Variants in FIG4 observed in about 807,000 individuals in gnomAD.
FIG4 encodes the protein polyphosphoinositide phosphatase.
In FIG4, 112 loss-of-function variants were observed where a neutral mutation model predicts 118.6. The ratio of observed to expected loss-of-function variants is 0.94; its 90% confidence interval spans 0.81 to 1.11. The LOEUF (loss-of-function observed/expected upper bound fraction) is 1.11. Among genes scored for constraint, FIG4 ranks in the 50% least tolerant of loss-of-function variants. FIG4 has a pLI of 0.00. For synonymous variants in FIG4, 369 were observed against 381.2 expected (o/e 0.97, Z 0.37); for missense variants, 969 against 1,111.7 (o/e 0.87, Z 1.83).
chr6:109,745,835 T>A (rs1776478544), intron 10 of FIG4, among the ~76,000 whole-genome samples: 1 of 152,152 alleles, frequency 6.6e-6, no homozygotes, highest in Non-Finnish European at 1.5e-5. Flanking sequence ...AAGGAAGTAA[T>A]TTATAGATTC....
chr6:109,715,863 G>C (rs1203885620), intron 2 of FIG4, among the ~76,000 whole-genome samples: 2 of 152,240 alleles, frequency 1.3e-5, no homozygotes, highest in South Asian at 2.1e-4. Context: ...CAAATATGTA[G>C]TAACTACAGT....
At chr6:109,777,141 A>T in intron 16 of FIG4, 81 bp downstream of exon 16, 1 of 1,261,832 alleles carries the variant, frequency 7.9e-7, no homozygotes, top group Non-Finnish European at 1.1e-6. Flanking sequence ...TTGAGAAATC[A>T]TAGGCTAAAA....
chr6:109,738,592 A>T lies in FIG4; in HGVS notation c.775+139A>T, dbSNP rs967612942. 7.4e-5 allele frequency: 57 copies of T among 767,416 alleles called. No homozygotes were observed. In the Admixed American group the frequency reaches 1.1e-3, roughly 15 times the overall value. The allele number at this position is 767,416 out of a possible 1,614,324, so 47.5% of individuals were successfully genotyped here. On this transcript the variant is annotated intron_variant, in intron 7 of 22. Coordinates refer to ENST00000230124, the MANE Select transcript of FIG4 (RefSeq NM_014845.6). ...GGAAAACCTGCCCATGATACTATGTAGCAGAAATACAAAGAAGAATGCAGA... is the reference window on the plus strand; with the variant it reads ...GGAAAACCTGCCCATGATACTATGTTGCAGAAATACAAAGAAGAATGCAGA...
intron 1 of FIG4, chr6:109,701,610 T>G (rs930335731): frequency 5.0e-5 from 22 of 443,660 alleles, no homozygotes; most frequent in Non-Finnish European, 8.4e-5. Flanking sequence ...TCTTACTTGT[T>G]CAAGATTGTT....
At chr6:109,757,050 C>G (rs752468989) in intron 10 of FIG4, among the ~76,000 whole-genome samples, 2 of 152,166 alleles carry the variant, frequency 1.3e-5, no homozygotes, top group Non-Finnish European at 2.9e-5. Context: ...GAGCTGTAGA[C>G]CGGAGCTGTT....
At chr6:109,707,013 G>A (rs188373978) in intron 1 of FIG4, among the ~76,000 whole-genome samples, 1 of 152,188 alleles carries the variant, frequency 6.6e-6, no homozygotes, top group East Asian at 1.9e-4. Context: ...CTGTTTGCCT[G>A]TCTGTCTAAC....
chr6:109,712,969 G>A (rs1243847156), intron 1 of FIG4, among the ~76,000 whole-genome samples: 1 of 152,004 alleles, frequency 6.6e-6, no homozygotes, highest in Non-Finnish European at 1.5e-5. Context: ...GGATTCAGTC[G>A]ACAGGTATTG....
Position 109,762,188 on chromosome 6 carries a change from A to AT in FIG4, c.1373dup (p.Leu458PhefsTer5), listed in dbSNP as rs770043095. ...AAACCGCCCTGATTCTTACTGTAGC[A>AT]TTTTGCGGCCAGATGAAAAGTATGT... On this transcript the variant is annotated frameshift_variant, in exon 12 of 23. Coordinates refer to ENST00000230124, the MANE Select transcript of FIG4 (RefSeq NM_014845.6). LOFTEE classifies it high-confidence loss of function. 115 of 1,608,068 alleles carry AT rather than the reference A, an allele frequency of 7.2e-5. No individual in the cohort carries two copies. Among genetic ancestry groups the AT allele is most frequent in the Non-Finnish European group, 9.5e-5 (111 of 1,174,596 alleles).
At chr6:109,693,682 C>A (rs1774621577) in intron 1 of FIG4, among the ~76,000 whole-genome samples, 1 of 152,208 alleles carries the variant, frequency 6.6e-6, no homozygotes, top group Admixed American at 6.5e-5. Context: ...ATCTGATCGA[C>A]TCAACTATGA....
At chr6:109,735,448 A>G in intron 6 of FIG4, 150 bp downstream of exon 6, 1 of 713,094 alleles carries the variant, frequency 1.4e-6, no homozygotes, top group Non-Finnish European at 2.4e-6. Flanking sequence ...AAGTTGATCA[A>G]TTCATTTTTA....
chr6:109,696,039 C>G (rs1420575583), intron 1 of FIG4, among the ~76,000 whole-genome samples: 1 of 152,166 alleles, frequency 6.6e-6, no homozygotes, highest in African/African-American at 2.4e-5. Context: ...CTGCTGTGGG[C>G]TTTATCTTCA....
At chr6:109,699,883 C>G (rs141880701) in intron 1 of FIG4, among the ~76,000 whole-genome samples, 1 of 152,128 alleles carries the variant, frequency 6.6e-6, no homozygotes. Context: ...AGTTGGCTTA[C>G]GATTTTCACA....
chr6:109,725,870 T>C (rs1220585927), intron 3 of FIG4, among the ~76,000 whole-genome samples: 2 of 152,224 alleles, frequency 1.3e-5, no homozygotes, highest in African/African-American at 4.8e-5. Context: ...CTTTTTTTCA[T>C]ATATTTGTTG....
At chr6:109,817,568 T>TAA (rs5879047) in intron 22 of FIG4, among the ~76,000 whole-genome samples, 4 of 139,958 alleles carry the variant, frequency 2.9e-5, no homozygotes, top group Admixed American at 7.0e-5. Context: ...AGAGAGTGTG[T>TAA]AAAAAAAAAA....
Position 109,707,795 on chromosome 6 carries a change from T to C in FIG4, c.67-7283T>C, listed in dbSNP as rs369924837. ...AATGTGAGTTGATTATGGCAGTGTT[T>C]TCTCAATTTTTGCAATGTTTAAAAA... On this transcript the variant is annotated intron_variant, in intron 1 of 22. Coordinates refer to ENST00000230124, the MANE Select transcript of FIG4 (RefSeq NM_014845.6). 5.3e-5 allele frequency among the ~76,000 whole-genome samples: 8 copies of C among 152,242 alleles called. 1 individual carries two copies. The East Asian group carries it at 1.2e-3, about 22-fold the overall frequency.
chr6:109,794,671 T>C (rs996237802), intron 21 of FIG4, among the ~76,000 whole-genome samples: 1 of 152,136 alleles, frequency 6.6e-6, no homozygotes, highest in Non-Finnish European at 1.5e-5. Flanking sequence ...AGGGGAGAGT[T>C]TCAAGGCAGG....
intron 18 of FIG4, among the ~76,000 whole-genome samples, chr6:109,787,442 C>G (rs1278417161): frequency 6.6e-6 from 1 of 152,096 alleles, no homozygotes; most frequent in Non-Finnish European, 1.5e-5. Flanking sequence ...TTCAAGTAAA[C>G]TTGTTAAGGT....
intron 14 of FIG4, 136 bp downstream of exon 14, chr6:109,765,297 C>T (rs1465247111): frequency 5.4e-6 from 4 of 739,016 alleles, no homozygotes; most frequent in Admixed American, 2.5e-5. Context: ...TATTCAAACT[C>T]GTTCTGTTTT....
chr6:109,757,166 A>AT (rs1349277230), intron 10 of FIG4, among the ~76,000 whole-genome samples: 1 of 137,916 alleles, frequency 7.3e-6, no homozygotes, highest in Non-Finnish European at 1.7e-5. Flanking sequence ...GGATTCATTG[A>AT]TTTTTTGAAG....
Sources: gnomAD v4.1 joint callset for allele counts (sites outside exome capture counted in the v4.1 genomes callset) on GRCh38, gnomAD v4.1.1 for gene constraint, MANE v1.5 for transcripts, NCBI Gene and HGNC (gene_info 2026-07-23, HGNC 2026-07-21) for gene names.